FER: variants seen among roughly 807,000 people sequenced by gnomAD.
FER encodes tyrosine-protein kinase Fer.
FER carries 63 observed loss-of-function variants against 111.0 expected under a neutral mutation model. That is an observed-to-expected ratio of 0.57 (90% confidence interval 0.46 to 0.70). The LOEUF (loss-of-function observed/expected upper bound fraction) is 0.70, where lower values mean the gene tolerates loss of function less well. Ranked by LOEUF, FER falls within the 30% of genes least tolerant of loss-of-function variation. The pLI is 0.00. For synonymous variants in FER, 327 were observed against 313.9 expected, an observed-to-expected ratio of 1.04 and a Z score of -0.44; for missense variants, 914 against 954.0, an observed-to-expected ratio of 0.96 and a Z score of 0.55.
intron 16 of FER, among the ~76,000 whole-genome samples, chr5:109,088,422 G>A (rs556283018): frequency 6.6e-6 from 1 of 152,010 alleles, no homozygotes; most frequent in Admixed American, 6.6e-5. Context: ...ATCAATAATG[G>A]GAAATATTTA....
At chr5:108,881,554 A>G (rs1765676737) in intron 8 of FER, among the ~76,000 whole-genome samples, 1 of 152,188 alleles carries the variant, frequency 6.6e-6, no homozygotes, top group African/African-American at 2.4e-5. Flanking sequence ...AGACTGTCAT[A>G]CAAATTACCA....
intron 10 of FER, among the ~76,000 whole-genome samples, chr5:108,913,714 C>T (rs1210225161): frequency 6.6e-6 from 1 of 152,114 alleles, no homozygotes; most frequent in African/African-American, 2.4e-5. Context: ...AGAATATTCA[C>T]AGGAGCACAA....
chr5:108,858,270 A>G (rs1763188081), intron 5 of FER, among the ~76,000 whole-genome samples: 1 of 152,212 alleles, frequency 6.6e-6, no homozygotes, highest in South Asian at 2.1e-4. Context: ...GTTGTTCACA[A>G]TATTTTACTT....
At position 109,027,946 on chromosome 5, in the gene FER, G is replaced by A. The variant is rs1183940708; in HGVS notation, c.1657-9476G>A. 5.3e-5 allele frequency among the ~76,000 whole-genome samples: 8 copies of A among 152,198 alleles called. No homozygotes were observed. The South Asian group carries it at 1.0e-3, about 20-fold the overall frequency. On this transcript the variant is annotated intron_variant, in intron 13 of 19. Transcript: ENST00000281092. ...TGTATAAAGATGTGGGATTTACATAGTGTTTTCATTAAAAGTACTATATTA... is the reference window on the plus strand; with the variant it reads ...TGTATAAAGATGTGGGATTTACATAATGTTTTCATTAAAAGTACTATATTA...
At chr5:108,985,059 T>C (rs1327049134) in intron 13 of FER, among the ~76,000 whole-genome samples, 1 of 151,990 alleles carries the variant, frequency 6.6e-6, no homozygotes. Flanking sequence ...TAAGACAAAT[T>C]ACGAATTAAA....
rs895139385 is a variant in FER at position 108,906,464 on chromosome 5, A to T, written c.1236+8616A>T. Among the ~76,000 whole-genome samples the T allele has an allele frequency of 3.9e-5, 6 of 152,170 alleles. No individual in the cohort carries two copies. In the East Asian group the frequency reaches 7.7e-4, roughly 20 times the overall value. On this transcript the variant is annotated intron_variant, in intron 10 of 19. Transcript: ENST00000281092. ...TAGATTGGAAAACATTTTTTAAAAA[A>T]CTGTCATGTAATTAACTTACGACTT...
chr5:109,140,472 G>A (rs916785164), intron 17 of FER, among the ~76,000 whole-genome samples: 9 of 152,064 alleles, frequency 5.9e-5, no homozygotes, highest in Non-Finnish European at 1.0e-4. Context: ...CTATGAGCCC[G>A]TGAAATAGAA....
chr5:108,923,366 C>G (rs916947087), intron 10 of FER, among the ~76,000 whole-genome samples: 2 of 151,858 alleles, frequency 1.3e-5, no homozygotes, highest in Non-Finnish European at 2.9e-5. Flanking sequence ...TTGATTGCAT[C>G]TAATTATAAA....
chr5:108,934,535 A>G (rs1755179760), intron 10 of FER, among the ~76,000 whole-genome samples: 1 of 152,164 alleles, frequency 6.6e-6, no homozygotes, highest in African/African-American at 2.4e-5. Flanking sequence ...GTTGCTTTTT[A>G]AAATTCTTTC....
intron 1 of FER, among the ~76,000 whole-genome samples, chr5:108,749,181 C>A (rs1046891905): frequency 2.0e-5 from 3 of 152,134 alleles, no homozygotes; most frequent in Admixed American, 6.5e-5. Flanking sequence ...CCAGCGCCCC[C>A]CCCAACCCCC....
chr5:108,928,305 C>G (rs986187084), intron 10 of FER, among the ~76,000 whole-genome samples: 2 of 152,166 alleles, frequency 1.3e-5, no homozygotes, highest in African/African-American at 4.8e-5. Context: ...CTGGTACTTA[C>G]CCTCCTGCCA....
intron 17 of FER, among the ~76,000 whole-genome samples, chr5:109,150,848 T>G (rs888956452): frequency 2.0e-5 from 3 of 152,170 alleles, no homozygotes; most frequent in African/African-American, 4.8e-5. Context: ...GACCTTGGAT[T>G]AGAGCCCTTT....
At chr5:108,966,852 C>A (rs1276509146) in intron 13 of FER, among the ~76,000 whole-genome samples, 1 of 151,968 alleles carries the variant, frequency 6.6e-6, no homozygotes, top group Non-Finnish European at 1.5e-5. Flanking sequence ...AGAACAGTAA[C>A]AAAGAGTAAC....
chr5:109,089,997 G>C (rs892131663), intron 16 of FER, among the ~76,000 whole-genome samples: 3 of 152,174 alleles, frequency 2.0e-5, no homozygotes, highest in Non-Finnish European at 4.4e-5. Flanking sequence ...CCAACTTGTG[G>C]TTTCTTCTTC....
At chr5:109,102,815 A>G (rs1748417341) in intron 17 of FER, among the ~76,000 whole-genome samples, 2 of 151,986 alleles carry the variant, frequency 1.3e-5, no homozygotes, top group South Asian at 2.1e-4. Flanking sequence ...TACTTCACCA[A>G]TTCATACTAT....
chr5:108,835,627 G>A lies in FER; in HGVS notation c.382-81G>A, dbSNP rs1355343278. 3.5e-6 allele frequency: 3 copies of A among 866,944 alleles called. No individual in the cohort carries two copies. The East Asian group carries it at 8.1e-5, about 23-fold the overall frequency. 53.7% of individuals were successfully genotyped at this position (866,944 alleles called of 1,614,324 possible). On this transcript the variant is annotated intron_variant, in intron 4 of 19. Coordinates refer to ENST00000281092, the MANE Select transcript of FER (RefSeq NM_005246.4). The stretch of plus-strand genomic sequence containing the variant: ...CCTGTAAGTAGTGAAATACACATCA[G>A]TTAATACTTTGGAATTTAAGTTCTT...
At chr5:108,789,614 CT>C (rs397757201) in intron 2 of FER, among the ~76,000 whole-genome samples, 170 of 146,330 alleles carry the variant, frequency 1.2e-3, no homozygotes, top group East Asian at 5.7e-3. Context: ...TCTTCTTCTT[CT>C]TTTTTTTTTT....
chr5:108,785,386 AG>A (rs1754587136), intron 2 of FER: 2 of 586,706 alleles, frequency 3.4e-6, no homozygotes. Flanking sequence ...TCTGGGACTT[AG>A]GGGTAAATAT....
chr5:108,753,544 C>G (rs1750732156), intron 1 of FER, among the ~76,000 whole-genome samples: 1 of 152,170 alleles, frequency 6.6e-6, no homozygotes, highest in Admixed American at 6.5e-5. Flanking sequence ...ATTTAAACCA[C>G]AGGTATTAGC....
Sources: gnomAD v4.1 joint callset for allele counts (sites outside exome capture counted in the v4.1 genomes callset) on GRCh38, gnomAD v4.1.1 for gene constraint, MANE v1.5 for transcripts, NCBI Gene and HGNC (gene_info 2026-07-23, HGNC 2026-07-21) for gene names.